Variants in ULK4 observed in about 807,000 individuals in gnomAD.
ULK4 encodes inactive serine/threonine-protein kinase ULK4.
ULK4 carries 133 observed loss-of-function variants against 160.6 expected under a neutral mutation model. The ratio of observed to expected loss-of-function variants is 0.83; its 90% CI spans 0.72 to 0.96. The LOEUF is 0.96. ULK4 is among the 40% of genes least tolerant of loss of function. The pLI is 0.00. For missense variants in ULK4, 1,580 were observed against 1,499.5 expected (o/e 1.05, Z -0.89); for synonymous variants, 534 against 539.8 (o/e 0.99, Z 0.15).
chr3:41,437,046 G>C (rs1204797836), intron 34 of ULK4, among the ~76,000 whole-genome samples: 1 of 152,046 alleles, frequency 6.6e-6, no homozygotes, highest in Non-Finnish European at 1.5e-5. Context: ...GCTTATTTTG[G>C]ACTCAAGAAA....
intron 31 of ULK4, among the ~76,000 whole-genome samples, chr3:41,578,853 T>C (rs2029942641): frequency 6.6e-6 from 1 of 152,188 alleles, no homozygotes; most frequent in African/African-American, 2.4e-5. Context: ...GACCATATAT[T>C]GGCCAGTCTC....
intron 22 of ULK4, among the ~76,000 whole-genome samples, chr3:41,741,606 A>G (rs1160994772): frequency 6.6e-6 from 1 of 152,012 alleles, no homozygotes; most frequent in Non-Finnish European, 1.5e-5. Context: ...CATGCCTGTT[A>G]AAATCAAAGC....
intron 21 of ULK4, 30 bp downstream of exon 21, chr3:41,789,631 G>A (rs1479920543): frequency 2.0e-6 from 3 of 1,508,534 alleles, no homozygotes; most frequent in Non-Finnish European, 1.8e-6. Flanking sequence ...AATTTTTAAT[G>A]TAGAGTAACA....
chr3:41,732,186 G>C (rs562697081), intron 22 of ULK4, among the ~76,000 whole-genome samples: 99 of 152,060 alleles, frequency 6.5e-4, no homozygotes, highest in African/African-American at 2.3e-3. Context: ...TGAACAGACA[G>C]GCTACAGAAT....
intron 35 of ULK4, among the ~76,000 whole-genome samples, chr3:41,260,923 A>G (rs535210155): frequency 2.9e-4 from 44 of 152,342 alleles, no homozygotes; most frequent in Admixed American, 1.5e-3. Flanking sequence ...GGAGGCCCCA[A>G]GCATACTGAG....
intron 32 of ULK4, among the ~76,000 whole-genome samples, chr3:41,527,946 A>G (rs1311896724): frequency 6.6e-6 from 1 of 152,242 alleles, no homozygotes; most frequent in Non-Finnish European, 1.5e-5. Context: ...GAGGACCATC[A>G]GAAAAGATAA....
intron 35 of ULK4, among the ~76,000 whole-genome samples, chr3:41,338,014 A>C (rs531599634): frequency 6.6e-6 from 1 of 152,342 alleles, no homozygotes; most frequent in Admixed American, 6.5e-5. Flanking sequence ...AAAAGCAGAG[A>C]GTTTTCTCAA....
At chr3:41,711,420 G>A (rs1423299120) in intron 25 of ULK4, among the ~76,000 whole-genome samples, 3 of 152,104 alleles carry the variant, frequency 2.0e-5, no homozygotes, top group South Asian at 2.1e-4. Context: ...CTGAAAAAAA[G>A]CTCCTACAGC....
At chr3:41,453,895 G>T (rs1237919316) in intron 34 of ULK4, among the ~76,000 whole-genome samples, 1 of 151,600 alleles carries the variant, frequency 6.6e-6, no homozygotes, top group African/African-American at 2.4e-5. Context: ...GATGAAGCTG[G>T]AAACCATCAT....
At chr3:41,913,958 G>A (rs960663466) in intron 8 of ULK4, among the ~76,000 whole-genome samples, 32 of 152,124 alleles carry the variant, frequency 2.1e-4, no homozygotes, top group African/African-American at 7.2e-4. Flanking sequence ...GTGAGACCCC[G>A]TCTCCGGGAG....
chr3:41,365,203 C>CA (rs2081232273), intron 35 of ULK4, among the ~76,000 whole-genome samples: 1 of 152,164 alleles, frequency 6.6e-6, no homozygotes, highest in South Asian at 2.1e-4. Context: ...CAGGGCATGC[C>CA]ATGAATGAGT....
intron 22 of ULK4, among the ~76,000 whole-genome samples, chr3:41,736,663 G>A (rs1307913114): frequency 2.0e-5 from 3 of 151,130 alleles, no homozygotes; most frequent in African/African-American, 4.9e-5. Flanking sequence ...TCTGATGGTA[G>A]TTTCTTTTGC....
chr3:41,803,933 C>A (rs1050660813), intron 19 of ULK4, among the ~76,000 whole-genome samples: 1 of 152,164 alleles, frequency 6.6e-6, no homozygotes, highest in Non-Finnish European at 1.5e-5. Context: ...GTGAATAGTG[C>A]CACAATAAAC....
chr3:41,627,282 A>C (rs1263284585), intron 30 of ULK4, among the ~76,000 whole-genome samples: 1 of 152,176 alleles, frequency 6.6e-6, no homozygotes, highest in Non-Finnish European at 1.5e-5. Context: ...TCAGTTTTGC[A>C]GGACAAAGAC....
intron 16 of ULK4, among the ~76,000 whole-genome samples, chr3:41,892,917 T>C (rs1024065241): frequency 6.6e-6 from 1 of 152,230 alleles, no homozygotes; most frequent in Admixed American, 6.5e-5. Flanking sequence ...TTTTAGTCAG[T>C]TGAGGAGACA....
At chr3:41,351,179 C>G (rs1183534247) in intron 35 of ULK4, among the ~76,000 whole-genome samples, 1 of 152,112 alleles carries the variant, frequency 6.6e-6, no homozygotes, top group East Asian at 1.9e-4. Context: ...AACTTTACAC[C>G]CAGCAGTATG....
intron 21 of ULK4, among the ~76,000 whole-genome samples, chr3:41,788,663 C>T (rs555696654): frequency 6.6e-6 from 1 of 151,560 alleles, no homozygotes; most frequent in Non-Finnish European, 1.5e-5. Context: ...GCACTCCAGC[C>T]TGGGCGACAG....
At position 41,283,406 on chromosome 3, in the gene ULK4, A is replaced by G. The variant is rs191556819; in HGVS notation, c.3679-33832T>C. Among the ~76,000 whole-genome samples the G allele has an allele frequency of 2.0e-3, 298 of 152,350 alleles. 3 individuals are homozygous for G. The highest frequency in any genetic ancestry group is 7.1e-3 in the African/African-American group (294 of 41,588). On this transcript the variant is annotated intron_variant, in intron 35 of 36. Coordinates refer to ENST00000301831, the MANE Select transcript of ULK4 (RefSeq NM_017886.4). ...AGACTTAGAACCAACCCAAATGTCC[A>G]CCAATGATAGACTGGATTAAGAAAA...
chr3:41,631,439 G>C (rs2033737922), intron 30 of ULK4, among the ~76,000 whole-genome samples: 1 of 152,112 alleles, frequency 6.6e-6, no homozygotes, highest in Admixed American at 6.6e-5. Flanking sequence ...GAAAGTCTTA[G>C]AATTAAGTTA....
Sources: allele counts gnomAD v4.1 joint callset (sites outside exome capture counted in the v4.1 genomes callset), GRCh38; gene constraint gnomAD v4.1.1; transcripts MANE v1.5; gene names NCBI Gene and HGNC (gene_info 2026-07-23, HGNC 2026-07-21).